CEP112: variants seen among roughly 807,000 people sequenced by gnomAD.
CEP112 encodes the protein centrosomal protein 112, also known as centrosomal protein of 112 kDa.
In CEP112, 127 loss-of-function variants were observed where a neutral mutation model predicts 153.0. The observed-to-expected ratio is 0.83, with a 90% CI of 0.72 to 0.96. The LOEUF (loss-of-function observed/expected upper bound fraction) is 0.96, where lower values mean the gene tolerates loss of function less well. Ranked by LOEUF, CEP112 falls within the 40% of genes least tolerant of loss-of-function variation. The pLI, the probability that CEP112 is intolerant of heterozygous loss-of-function variation, is 0.00. For synonymous variants in CEP112, 358 were observed against 374.4 expected (o/e 0.96, Z 0.51); for missense variants, 1,089 against 1,101.2 (o/e 0.99, Z 0.16).
At chr17:65,880,570 C>G (rs1159513645) in intron 20 of CEP112, among the ~76,000 whole-genome samples, 1 of 152,192 alleles carries the variant, frequency 6.6e-6, no homozygotes, top group East Asian at 1.9e-4. Context: ...AAAGACCTTT[C>G]TAAGTTAGGC....
chr17:66,031,544 A>T (rs1428886911), intron 12 of CEP112, among the ~76,000 whole-genome samples: 1 of 146,784 alleles, frequency 6.8e-6, no homozygotes, highest in African/African-American at 2.6e-5. Context: ...CTACAGCCTC[A>T]ACCTCCCAGG....
At chr17:66,124,063 T>A (rs1332171704) in intron 6 of CEP112, among the ~76,000 whole-genome samples, 1 of 152,204 alleles carries the variant, frequency 6.6e-6, no homozygotes, top group Non-Finnish European at 1.5e-5. Flanking sequence ...GTCATTTGAG[T>A]CTGCCTCTCA....
intron 11 of CEP112, among the ~76,000 whole-genome samples, chr17:66,058,644 GT>G (rs2066802214): frequency 1.3e-5 from 2 of 152,074 alleles, no homozygotes; most frequent in Admixed American, 1.3e-4. Flanking sequence ...GAGGTCAGGA[GT>G]TCAAGACAAG....
At chr17:66,126,252 T>C (rs1393929701) in intron 6 of CEP112, among the ~76,000 whole-genome samples, 1 of 152,220 alleles carries the variant, frequency 6.6e-6, no homozygotes, top group Non-Finnish European at 1.5e-5. Context: ...AAATAATTCC[T>C]AGTCAACATC....
At position 65,743,083 on chromosome 17, in the gene CEP112, A is replaced by G. The variant is rs773183597; in HGVS notation, c.2592T>C (p.Asn864=). Residue 864 remains asparagine (N), a synonymous_variant, in exon 23 of 27, where the codon AAT becomes AAC. Transcript: ENST00000535342. ...EDEKKQLIRD[N]DQAIKVLQDE... is the part of the protein sequence containing the mutation. The stretch of plus-strand genomic sequence containing the variant: ...TTCAGATTACCTTGATTGCTTGGTC[A>G]TTATCTCTAATCAGCTGCTTCTTCT... The G allele has an allele frequency of 6.2e-7, 1 of 1,609,676 alleles. No homozygotes were observed. Among genetic ancestry groups the G allele is most frequent in the East Asian group, 2.2e-5 (1 of 44,832 alleles).
chr17:66,156,918 T>C (rs567772628), intron 4 of CEP112, among the ~76,000 whole-genome samples: 1 of 152,274 alleles, frequency 6.6e-6, no homozygotes, highest in South Asian at 2.1e-4. Flanking sequence ...TACCTGAAAG[T>C]GACGGGGAGA....
chr17:65,964,534 C>A (rs1384364940), intron 17 of CEP112, among the ~76,000 whole-genome samples: 1 of 152,158 alleles, frequency 6.6e-6, no homozygotes, highest in African/African-American at 2.4e-5. Flanking sequence ...CACATGGGAA[C>A]AACATAAAGT....
intron 19 of CEP112, among the ~76,000 whole-genome samples, chr17:65,904,915 ACTGGATCCCTTC>A (rs1176470956): frequency 3.3e-5 from 5 of 152,306 alleles, no homozygotes; most frequent in African/African-American, 1.2e-4. Context: ...GAAAAATGAA[ACTGGATCCCTTC>A]CTTACACTTT....
At chr17:65,873,343 C>T (rs550127693) in intron 20 of CEP112, among the ~76,000 whole-genome samples, 5 of 152,260 alleles carry the variant, frequency 3.3e-5, no homozygotes, top group African/African-American at 7.2e-5. Context: ...TCTTGACTTT[C>T]GGTAATTATG....
At chr17:65,738,988 T>C (rs75879860) in intron 23 of CEP112, among the ~76,000 whole-genome samples, 1 of 152,214 alleles carries the variant, frequency 6.6e-6, no homozygotes, top group East Asian at 1.9e-4. Context: ...CAATCGAATG[T>C]GGTGGAAGTG....
intron 19 of CEP112, among the ~76,000 whole-genome samples, chr17:65,907,940 G>A (rs781516571): frequency 6.6e-6 from 1 of 152,148 alleles, no homozygotes; most frequent in African/African-American, 2.4e-5. Flanking sequence ...TGACCAGGAG[G>A]TGGTAAATTA....
At chr17:66,118,446 A>G (rs1413965877) in intron 6 of CEP112, among the ~76,000 whole-genome samples, 1 of 152,090 alleles carries the variant, frequency 6.6e-6, no homozygotes, top group Non-Finnish European at 1.5e-5. Flanking sequence ...GAAATAAGGC[A>G]AGCACAGAAA....
chr17:65,897,395 T>A (rs2059694024), intron 20 of CEP112, among the ~76,000 whole-genome samples: 1 of 152,154 alleles, frequency 6.6e-6, no homozygotes, highest in African/African-American at 2.4e-5. Flanking sequence ...TGGAGTGAAT[T>A]ATCATTTGAT....
At chr17:65,963,629 C>A (rs1323130210) in intron 17 of CEP112, among the ~76,000 whole-genome samples, 1 of 151,520 alleles carries the variant, frequency 6.6e-6, no homozygotes, top group Non-Finnish European at 1.5e-5. Flanking sequence ...AGGTTATCAA[C>A]AATATAGATA....
At chr17:66,015,034 A>G (rs1047152655) in intron 16 of CEP112, among the ~76,000 whole-genome samples, 1 of 152,246 alleles carries the variant, frequency 6.6e-6, no homozygotes, top group African/African-American at 2.4e-5. Flanking sequence ...TGTCAAGGAC[A>G]TCGTCTTTGG....
intron 17 of CEP112, among the ~76,000 whole-genome samples, chr17:65,979,943 A>G (rs923534581): frequency 7.2e-5 from 11 of 152,138 alleles, no homozygotes; most frequent in African/African-American, 2.7e-4. Context: ...AAACTACACG[A>G]TTTCGTCATA....
chr17:65,658,254 G>A (rs534438970), intron 24 of CEP112, among the ~76,000 whole-genome samples: 1 of 152,328 alleles, frequency 6.6e-6, no homozygotes, highest in East Asian at 1.9e-4. Flanking sequence ...AAGGGAATAG[G>A]ATTGATCTGG....
chr17:65,685,830 G>A (rs570877302), intron 24 of CEP112, among the ~76,000 whole-genome samples: 16 of 151,926 alleles, frequency 1.1e-4, no homozygotes, highest in African/African-American at 2.9e-4. Flanking sequence ...CCGCCACCAC[G>A]CCTGGCTAAT....
chr17:65,649,179 AT>A (rs1036102760), intron 24 of CEP112, among the ~76,000 whole-genome samples: 5 of 152,204 alleles, frequency 3.3e-5, no homozygotes, highest in African/African-American at 1.2e-4. Flanking sequence ...CTGGTTTATA[AT>A]AAAACAAAAA....
Sources: gnomAD v4.1 joint callset for allele counts (sites outside exome capture counted in the v4.1 genomes callset) on GRCh38, gnomAD v4.1.1 for gene constraint, MANE v1.5 for transcripts, NCBI Gene and HGNC (gene_info 2026-07-23, HGNC 2026-07-21) for gene names.